The following SGCD variants were observed in gnomAD, a reference collection of about 807,000 sequenced individuals.
SGCD encodes the protein sarcoglycan delta, also known as delta-sarcoglycan.
In SGCD, 18 loss-of-function variants were observed where a neutral mutation model predicts 36.6. That is an observed-to-expected ratio of 0.49 (90% CI 0.34 to 0.73). The LOEUF is 0.73. SGCD is among the 30% of genes least tolerant of loss of function. SGCD has a pLI of 0.01. For synonymous variants in SGCD, 133 were observed against 130.6 expected (o/e 1.02, Z -0.12); for missense variants, 387 against 346.7 (o/e 1.12, Z -0.92).
intron 1 of SGCD, among the ~76,000 whole-genome samples, chr5:155,993,741 C>T (rs1010550322): frequency 6.6e-6 from 1 of 152,154 alleles, no homozygotes; most frequent in Non-Finnish European, 1.5e-5. Flanking sequence ...CATGGACCCT[C>T]TATGTGGTTG....
At chr5:155,930,706 T>C (rs1757082923) in intron 1 of SGCD, among the ~76,000 whole-genome samples, 1 of 152,188 alleles carries the variant, frequency 6.6e-6, no homozygotes, top group Admixed American at 6.5e-5. Flanking sequence ...AACACTCTTC[T>C]CAAATGTCAT....
At chr5:155,858,584 T>C in the SGCD span, among the ~76,000 whole-genome samples, 2 of 152,218 alleles carry the variant, frequency 1.3e-5, no homozygotes, top group African/African-American at 2.4e-5. Flanking sequence ...AAATCAACTT[T>C]TTTTCACTGT....
chr5:156,164,608 G>T (rs377471945), intron 3 of SGCD, among the ~76,000 whole-genome samples: 1 of 152,158 alleles, frequency 6.6e-6, no homozygotes, highest in East Asian at 1.9e-4. Flanking sequence ...TTTGATATTT[G>T]GTTCTAGTAT....
chr5:155,949,473 C>T (rs951910613), intron 1 of SGCD, among the ~76,000 whole-genome samples: 4 of 152,038 alleles, frequency 2.6e-5, no homozygotes, highest in Non-Finnish European at 4.4e-5. Flanking sequence ...TATGAGACAA[C>T]GAGGTTTCGT....
At chr5:156,157,545 G>T (rs1208142113) in intron 3 of SGCD, among the ~76,000 whole-genome samples, 1 of 151,568 alleles carries the variant, frequency 6.6e-6, no homozygotes, top group Non-Finnish European at 1.5e-5. Flanking sequence ...CTCTACAAAG[G>T]ACTAGAAATG....
chr5:156,359,078 G>A (rs1403751079), intron 3 of SGCD, among the ~76,000 whole-genome samples: 1 of 152,208 alleles, frequency 6.6e-6, no homozygotes, highest in African/African-American at 2.4e-5. Flanking sequence ...CATGACAGTT[G>A]GTTTCTTAAG....
At chr5:156,553,279 G>A (rs547539482) in intron 4 of SGCD, among the ~76,000 whole-genome samples, 2 of 152,218 alleles carry the variant, frequency 1.3e-5, no homozygotes, top group South Asian at 2.1e-4. Flanking sequence ...TTCAACACGA[G>A]GTTTAGAGGG....
upstream of SGCD, among the ~76,000 whole-genome samples, chr5:156,326,327 G>T (rs950940608): frequency 6.6e-6 from 1 of 152,148 alleles, no homozygotes; most frequent in African/African-American, 2.4e-5. Context: ...GAATTAGGAC[G>T]CATTCTGATT....
At chr5:156,012,299 C>A (rs769205331) in intron 1 of SGCD, among the ~76,000 whole-genome samples, 10 of 152,180 alleles carry the variant, frequency 6.6e-5, no homozygotes, top group Non-Finnish European at 1.3e-4. Flanking sequence ...CATATCCTAT[C>A]TTACATGCTT....
chr5:156,249,650 C>T (rs1765526019), intron 3 of SGCD, among the ~76,000 whole-genome samples: 1 of 151,748 alleles, frequency 6.6e-6, no homozygotes, highest in Non-Finnish European at 1.5e-5. Flanking sequence ...TTTTCTCTTT[C>T]TCTTTAAGCC....
chr5:155,991,756 T>C (rs1044732027), intron 1 of SGCD, among the ~76,000 whole-genome samples: 2 of 152,240 alleles, frequency 1.3e-5, no homozygotes, highest in African/African-American at 4.8e-5. Flanking sequence ...ATGCAGATTA[T>C]GGTATATTTG....
the SGCD span, among the ~76,000 whole-genome samples, chr5:155,736,840 G>A: frequency 6.6e-6 from 1 of 152,116 alleles, no homozygotes; most frequent in Non-Finnish European, 1.5e-5. Flanking sequence ...TATGGGTAGA[G>A]GAATTAATAA....
At chr5:156,099,026 C>A (rs1054352762) in intron 1 of SGCD, among the ~76,000 whole-genome samples, 1 of 152,218 alleles carries the variant, frequency 6.6e-6, no homozygotes, top group Non-Finnish European at 1.5e-5. Context: ...GATGTGACCA[C>A]CTGGGCTGCC....
intron 4 of SGCD, among the ~76,000 whole-genome samples, chr5:156,546,133 C>A (rs1758563025): frequency 6.6e-6 from 1 of 152,162 alleles, no homozygotes; most frequent in African/African-American, 2.4e-5. Flanking sequence ...ATAAAAAACA[C>A]ACCTACTTTT....
intron 3 of SGCD, among the ~76,000 whole-genome samples, chr5:156,263,937 T>C (rs1166676715): frequency 6.6e-6 from 1 of 152,114 alleles, no homozygotes; most frequent in Non-Finnish European, 1.5e-5. Flanking sequence ...CTCTATTCTG[T>C]TGTGTTGTTC....
chr5:156,389,215 T>C (rs1771435095), intron 3 of SGCD, among the ~76,000 whole-genome samples: 1 of 152,212 alleles, frequency 6.6e-6, no homozygotes. Flanking sequence ...TTAACAATTG[T>C]ATATTTCTGC....
At chr5:156,672,041 C>G (rs1282834747) in intron 7 of SGCD, among the ~76,000 whole-genome samples, 3 of 152,120 alleles carry the variant, frequency 2.0e-5, no homozygotes, top group African/African-American at 7.2e-5. Context: ...CTAGGCCCTG[C>G]CTCCATCACT....
chr5:156,167,386 A>C (rs966811779), intron 3 of SGCD, among the ~76,000 whole-genome samples: 2 of 152,154 alleles, frequency 1.3e-5, no homozygotes, highest in African/African-American at 4.8e-5. Flanking sequence ...TCTTCTCCCC[A>C]GTGTATCTCC....
At chr5:156,110,876 A>C (rs1761766033) in intron 1 of SGCD, among the ~76,000 whole-genome samples, 1 of 152,164 alleles carries the variant, frequency 6.6e-6, no homozygotes, top group Non-Finnish European at 1.5e-5. Flanking sequence ...CCTGCTTGAA[A>C]AGTGAGTTTA....
Sources: allele counts gnomAD v4.1 joint callset (sites outside exome capture counted in the v4.1 genomes callset), GRCh38; gene constraint gnomAD v4.1.1; transcripts MANE v1.5; gene names NCBI Gene and HGNC (gene_info 2026-07-23, HGNC 2026-07-21).